Variants in SOBP observed in about 807,000 individuals in gnomAD.
SOBP encodes the protein sine oculis binding protein homolog.
A neutral mutation model predicts 53.6 loss-of-function variants in SOBP; 4 were observed. The observed-to-expected ratio is 0.07, with a 90% CI of 0.04 to 0.17. SOBP has a LOEUF of 0.17. SOBP is among the 10% of genes least tolerant of loss of function. The pLI is 1.00. For synonymous variants in SOBP, 584 were observed against 522.6 expected (o/e 1.12, Z -1.60); for missense variants, 1,088 against 1,204.7 (o/e 0.90, Z 1.43).
chr6:107,533,108 A>G (rs1210537833), intron 3 of SOBP, among the ~76,000 whole-genome samples: 1 of 151,172 alleles, frequency 6.6e-6, no homozygotes, highest in African/African-American at 2.4e-5. Flanking sequence ...CTTTGAAGAA[A>G]TGGGTTATTT....
intron 4 of SOBP, among the ~76,000 whole-genome samples, chr6:107,568,476 AG>A (rs1450335572): frequency 7.2e-5 from 11 of 152,220 alleles, no homozygotes; most frequent in Non-Finnish European, 1.6e-4. Context: ...CTTTTGTGAG[AG>A]TATATGATTC....
intron 4 of SOBP, among the ~76,000 whole-genome samples, chr6:107,540,100 A>G (rs1784109292): frequency 6.6e-6 from 1 of 152,366 alleles, no homozygotes; most frequent in East Asian, 1.9e-4. Context: ...AAGTGCAGGC[A>G]TAAAAGGGCA....
At chr6:107,506,141 T>A in intron 2 of SOBP, 101 bp from the exon 3 acceptor site, 1 of 985,340 alleles carries the variant, frequency 1.0e-6, no homozygotes, top group South Asian at 1.3e-5. Flanking sequence ...AGAAAAAATA[T>A]GTTGGGTTCA....
At chr6:107,553,244 A>G (rs527998793) in intron 4 of SOBP, among the ~76,000 whole-genome samples, 3 of 151,900 alleles carry the variant, frequency 2.0e-5, no homozygotes, top group South Asian at 4.1e-4. Context: ...AATTTCACAC[A>G]TAATTTCATG....
chr6:107,540,578 T>C (rs901407486), intron 4 of SOBP, among the ~76,000 whole-genome samples: 1 of 152,240 alleles, frequency 6.6e-6, no homozygotes, highest in Non-Finnish European at 1.5e-5. Context: ...AAACACAGGC[T>C]GTGGGCCAGA....
Position 107,490,515 on chromosome 6 carries a change from C to T in SOBP, c.-102C>T. On this transcript the variant is annotated 5_prime_UTR_variant, in exon 1 of 7. Coordinates refer to ENST00000317357, the MANE Select transcript of SOBP (RefSeq NM_018013.4). ...CGCCAGCACCGCTACCTCCGCCAGC[C>T]TCGCCACCATCAGCACCACCTCCAC... is the stretch of plus-strand genomic sequence containing the variant. 1.2e-6 allele frequency: 1 copy of T among 816,224 alleles called. No individual in the cohort carries two copies. The highest frequency in any genetic ancestry group is 2.0e-6 in the Non-Finnish European group (1 of 490,294). The allele number at this position is 816,224 out of a possible 1,614,324, so 50.6% of individuals were successfully genotyped here.
At chr6:107,622,134 A>C in intron 5 of SOBP, among the ~76,000 whole-genome samples, 1 of 152,188 alleles carries the variant, frequency 6.6e-6, no homozygotes, top group Non-Finnish European at 1.5e-5. Flanking sequence ...TTTATGCAGC[A>C]CTTTTTATTT....
chr6:107,517,790 A>G (rs1466096256), intron 3 of SOBP, among the ~76,000 whole-genome samples: 2 of 152,226 alleles, frequency 1.3e-5, no homozygotes, highest in Admixed American at 1.3e-4. Flanking sequence ...GGAATTTATG[A>G]TCTTGAATAC....
At chr6:107,638,008 A>T (rs1235489176) in intron 6 of SOBP, among the ~76,000 whole-genome samples, 3 of 152,190 alleles carry the variant, frequency 2.0e-5, no homozygotes, top group African/African-American at 7.2e-5. Context: ...TTAAAATCAG[A>T]AATACAGAAA....
chr6:107,650,646 G>T (rs907894016), intron 6 of SOBP, among the ~76,000 whole-genome samples: 1 of 152,170 alleles, frequency 6.6e-6, no homozygotes. Flanking sequence ...GTCAATAAAC[G>T]TTGGGTATGT....
intron 3 of SOBP, among the ~76,000 whole-genome samples, chr6:107,524,694 C>T (rs1783612273): frequency 1.3e-5 from 2 of 152,204 alleles, no homozygotes; most frequent in African/African-American, 4.8e-5. Context: ...TGGCTGCAGA[C>T]CTTGTCTTTC....
intron 5 of SOBP, among the ~76,000 whole-genome samples, chr6:107,614,446 AC>A (rs1786707969): frequency 6.6e-6 from 1 of 152,112 alleles, no homozygotes; most frequent in African/African-American, 2.4e-5. Flanking sequence ...GGAGCACATG[AC>A]ACTGTTGCCA....
intron 5 of SOBP, among the ~76,000 whole-genome samples, chr6:107,618,928 G>A (rs933901802): frequency 1.6e-4 from 25 of 152,194 alleles, no homozygotes; most frequent in African/African-American, 5.8e-4. Context: ...GAAACCACAA[G>A]GTGAAATGTA....
At chr6:107,495,458 C>T (rs768740237) in intron 1 of SOBP, among the ~76,000 whole-genome samples, 6 of 152,164 alleles carry the variant, frequency 3.9e-5, no homozygotes, top group Non-Finnish European at 7.3e-5. Context: ...TTATACAACT[C>T]GCAGATTCCA....
chr6:107,587,353 A>T, intron 5 of SOBP, 178 bp downstream of exon 5: 1 of 632,776 alleles, frequency 1.6e-6, no homozygotes, highest in Non-Finnish European at 2.8e-6. Flanking sequence ...AATTGTTTGC[A>T]AATCTTTTAT....
Position 107,633,851 on chromosome 6 carries a change from A to T in SOBP, c.1007A>T (p.Asp336Val). 1 of 1,614,014 alleles carries T rather than the reference A, an allele frequency of 6.2e-7. No individual in the cohort carries two copies. Among genetic ancestry groups the T allele is most frequent in the Non-Finnish European group, 8.5e-7 (1 of 1,179,988 alleles). The change falls in exon 6 of 7, where the codon GAC becomes GTC. Residue 336 changes from aspartate (D) to valine (V), a missense_variant. Asp to Val is a radical substitution (Grantham distance 152). Around this residue, in one of 6 missense-constraint regions of SOBP, gnomAD observed 211 missense variants for 258.9 expected, o/e 0.82. Transcript: ENST00000317357. ...GCGTCCACCACCGTCTCTCCATCTG[A>T]CACTGCCAACTGCTCTGTCACTAAA... is the stretch of plus-strand genomic sequence containing the variant. Reference protein sequence around the residue: ...PSASTTVSPSDTANCSVTKIP... With the variant: ...PSASTTVSPSVTANCSVTKIP...
chr6:107,658,153 AG>A (rs1354169131), intron 6 of SOBP, 53 bp from the exon 7 acceptor site: 1 of 152,786 alleles, frequency 6.5e-6, no homozygotes, highest in East Asian at 1.9e-4. Context: ...AGCTGGGCGG[AG>A]GGAGGGGGAT....
intron 5 of SOBP, among the ~76,000 whole-genome samples, chr6:107,589,312 C>T (rs1785668979): frequency 6.6e-6 from 1 of 152,166 alleles, no homozygotes; most frequent in South Asian, 2.1e-4. Context: ...GACGACTAGT[C>T]CTCTGTGCCA....
chr6:107,558,492 A>G (rs1583210442), intron 4 of SOBP, among the ~76,000 whole-genome samples: 1 of 151,318 alleles, frequency 6.6e-6, no homozygotes. Flanking sequence ...CTGGTCTCGA[A>G]CTCCTGACCT....
Sources: gnomAD v4.1 joint callset for allele counts (sites outside exome capture counted in the v4.1 genomes callset) on GRCh38, gnomAD v4.1.1 for gene constraint, gnomAD v4.1.1 regional missense constraint, MANE v1.5 for transcripts, NCBI Gene and HGNC (gene_info 2026-07-23, HGNC 2026-07-21) for gene names.